The following LRRC37A3 variants were observed in gnomAD, a reference collection of about 807,000 sequenced individuals.
LRRC37A3 encodes leucine-rich repeat-containing protein 37A3.
LRRC37A3 carries 25 observed loss-of-function variants against 106.2 expected under a neutral mutation model. The ratio of observed to expected loss-of-function variants is 0.24; its 90% CI spans 0.17 to 0.33. LRRC37A3 has a LOEUF of 0.33. Ranked by LOEUF, LRRC37A3 falls within the 10% of genes least tolerant of loss-of-function variation. The pLI is 1.00. For missense variants in LRRC37A3, 712 were observed against 1,644.9 expected (o/e 0.43, Z 9.81); for synonymous variants, 305 against 635.8 (o/e 0.48, Z 7.83).
intron 8 of LRRC37A3, among the ~76,000 whole-genome samples, chr17:64,878,857 A>G (rs1973597943): frequency 1.3e-5 from 2 of 152,260 alleles, no homozygotes; most frequent in Admixed American, 6.5e-5. Context: ...ACATGTCCAC[A>G]CAAAAAGTAG....
chr17:64,876,755 C>G (rs1338209995), intron 8 of LRRC37A3, among the ~76,000 whole-genome samples: 1 of 151,918 alleles, frequency 6.6e-6, no homozygotes, highest in Non-Finnish European at 1.5e-5. Flanking sequence ...CTAAGAAAAG[C>G]TGAAGACCAG....
chr17:64,916,335 G>C (rs1003604585), intron 2 of LRRC37A3, among the ~76,000 whole-genome samples: 2 of 151,812 alleles, frequency 1.3e-5, no homozygotes, highest in Admixed American at 6.6e-5. Context: ...AACCCGGGAG[G>C]GGGAGCTTGC....
At chr17:64,862,210 T>C (rs2143391316) in intron 11 of LRRC37A3, among the ~76,000 whole-genome samples, 1 of 152,334 alleles carries the variant, frequency 6.6e-6, no homozygotes, top group Admixed American at 6.5e-5. Flanking sequence ...GTATTCAAGC[T>C]ATCTGGACAT....
chr17:64,854,599 C>T lies in LRRC37A3; in HGVS notation c.4905G>A (p.Ter1635=). The change falls in exon 15 of 15, where the codon TAG becomes TAA. Residue 1635 remains the stop codon, a stop_retained_variant. Coordinates refer to ENST00000584306, the MANE Select transcript of LRRC37A3 (RefSeq NM_199340.5). ...GCCTGAGGTGGGCTGGGTTCTCCTC[C>T]TATGGCAGGGCTTCACTCTCCTCCT... ...PTEEESEALP[*] 1.2e-6 allele frequency: 2 copies of T among 1,613,908 alleles called. No individual in the cohort carries two copies. Among genetic ancestry groups the T allele is most frequent in the Non-Finnish European group, 1.7e-6 (2 of 1,179,860 alleles).
At chr17:64,873,268 G>A (rs1973382378) in intron 8 of LRRC37A3, among the ~76,000 whole-genome samples, 1 of 148,932 alleles carries the variant, frequency 6.7e-6, no homozygotes, top group Admixed American at 6.7e-5. Flanking sequence ...ACGTGGTTGG[G>A]GGAGAAATAA....
chr17:64,881,201 A>G (rs1973690477), intron 8 of LRRC37A3: 10 of 700,820 alleles, frequency 1.4e-5, no homozygotes, highest in Middle Eastern at 3.7e-4. Context: ...CAGGGGCAAA[A>G]TCTAGAGAAT....
chr17:64,911,112 G>A (rs1974580276), intron 2 of LRRC37A3, among the ~76,000 whole-genome samples: 1 of 152,118 alleles, frequency 6.6e-6, no homozygotes, highest in African/African-American at 2.4e-5. Context: ...TCTCACCAGT[G>A]TTTTAACTTT....
At chr17:64,890,316 G>A (rs1973918469) in intron 5 of LRRC37A3, among the ~76,000 whole-genome samples, 2 of 126,710 alleles carry the variant, frequency 1.6e-5, no homozygotes, top group Admixed American at 1.5e-4. Context: ...TGATCCTCCT[G>A]TGTCTGCTTC....
intron 12 of LRRC37A3, among the ~76,000 whole-genome samples, chr17:64,859,183 T>G (rs1230120516): frequency 2.6e-5 from 4 of 152,062 alleles, no homozygotes; most frequent in African/African-American, 9.7e-5. Context: ...AACTCCTGAC[T>G]TCAAGTAATC....
rs199620763 is a variant in LRRC37A3, at chr17:64,859,585, T to C, written c.4561A>G (p.Thr1521Ala). 46 of 1,612,930 alleles carry C rather than the reference T, an allele frequency of 2.9e-5. No individual in the cohort carries two copies. Among genetic ancestry groups the C allele is most frequent in the Non-Finnish European group, 3.6e-5 (42 of 1,179,886 alleles). The change falls in exon 12 of 15, where the codon ACA (threonine) becomes GCA (alanine). Residue 1521 changes from threonine (T) to alanine (A), a missense_variant. Coordinates refer to ENST00000584306, the MANE Select transcript of LRRC37A3 (RefSeq NM_199340.5). ...CTGAGAAGCTTCATCAGGTGGCCTG[T>C]CCTGGAGACGAGCTTGGCACAGGTC... ...QVTCAKLVSR[T>A]GHLMKLLSGQ... is the part of the protein sequence containing the mutation.
Position 64,860,630 on chromosome 17 carries a change from C to A in LRRC37A3, c.3516G>T (p.Arg1172Ser), listed in dbSNP as rs1222096458. 1 of 1,613,954 alleles carries A rather than the reference C, an allele frequency of 6.2e-7. No individual in the cohort carries two copies. Among genetic ancestry groups the A allele is most frequent in the Non-Finnish European group, 8.5e-7 (1 of 1,179,868 alleles). ...QRLNRVLMGP[R>S]SIQKRHFKEV... Reference sequence around the variant, plus strand: ...CTTTGAAGTGCCTTTTCTGGATGCTCCTTGGGCCCATGAGGACTCTATTCA... The same window carrying A: ...CTTTGAAGTGCCTTTTCTGGATGCTACTTGGGCCCATGAGGACTCTATTCA... Residue 1172 changes from arginine to serine, a missense_variant, in exon 12 of 15, where the codon AGG (arginine) becomes AGT (serine). Arg to Ser is a moderately radical substitution (Grantham distance 110). Coordinates refer to ENST00000584306, the MANE Select transcript of LRRC37A3 (RefSeq NM_199340.5).
intron 11 of LRRC37A3, among the ~76,000 whole-genome samples, chr17:64,862,121 AG>A (rs879659053): frequency 2.5e-4 from 38 of 151,842 alleles, no homozygotes; most frequent in Non-Finnish European, 5.0e-4. Context: ...AAAAAAAAAA[AG>A]TTTTGAAAAA....
rs371157385 is a variant in LRRC37A3 at position 64,860,315 on chromosome 17, G to A, written c.3831C>T (p.His1277=). The A allele has an allele frequency of 1.2e-4, 192 of 1,613,960 alleles. No individual in the cohort carries two copies. Among genetic ancestry groups the A allele is most frequent in the Middle Eastern group, 1.7e-4 (1 of 6,056 alleles). The part of the protein sequence containing the change: ...QVRDRWKDLT[H]AISILESAKA... ...TTGCACTTTCTAAAATGGAAATAGC[G>A]TGGGTTAAGTCTTTCCATCTGTCTC... The change falls in exon 12 of 15, where the codon CAC becomes CAT. Residue 1277 remains histidine, a synonymous_variant. Transcript: ENST00000584306.
intron 10 of LRRC37A3, among the ~76,000 whole-genome samples, chr17:64,864,273 T>C (rs1286342245): frequency 6.6e-6 from 1 of 152,166 alleles, no homozygotes; most frequent in African/African-American, 2.4e-5. Context: ...AATTTCGTCA[T>C]GAGGAAACAG....
chr17:64,901,262 A>C (rs1327267952), intron 2 of LRRC37A3: 2 of 151,406 alleles, frequency 1.3e-5, no homozygotes, highest in African/African-American at 4.9e-5. Context: ...CATAAGAAAT[A>C]AAAAATGTGG....
intron 2 of LRRC37A3, chr17:64,901,175 A>G (rs1974299035): frequency 6.7e-6 from 1 of 150,272 alleles, no homozygotes; most frequent in Non-Finnish European, 1.5e-5. Context: ...CTCAGTTTTT[A>G]ACATATGTAT....
At chr17:64,875,123 C>CA (rs951431273) in intron 8 of LRRC37A3, among the ~76,000 whole-genome samples, 45 of 151,916 alleles carry the variant, frequency 3.0e-4, no homozygotes, top group African/African-American at 7.7e-4. Context: ...AAAACAACAA[C>CA]AAAAAAAACT....
At chr17:64,899,500 A>G (rs1211245117) in intron 2 of LRRC37A3, among the ~76,000 whole-genome samples, 1 of 142,634 alleles carries the variant, frequency 7.0e-6, no homozygotes, top group Admixed American at 6.8e-5. Context: ...AACCACCATC[A>G]TATATGTGGT....
intron 8 of LRRC37A3, among the ~76,000 whole-genome samples, chr17:64,880,928 C>T (rs1973678991): frequency 1.3e-5 from 2 of 152,012 alleles, no homozygotes; most frequent in South Asian, 4.1e-4. Context: ...ATGTCCAAAG[C>T]AGGCCGTGAA....
Sources: allele counts gnomAD v4.1 joint callset (sites outside exome capture counted in the v4.1 genomes callset), GRCh38; gene constraint gnomAD v4.1.1; transcripts MANE v1.5; gene names NCBI Gene and HGNC (gene_info 2026-07-23, HGNC 2026-07-21).